CSAG1: variants seen among roughly 807,000 people sequenced by gnomAD.
The protein encoded by CSAG1 is chondrosarcoma associated gene 1.
CSAG1 carries 4 observed loss-of-function variants against 4.8 expected under a neutral mutation model. The ratio of observed to expected loss-of-function variants is 0.83; its 90% confidence interval spans 0.41 to 1.90. The LOEUF is 1.90. Ranked by LOEUF, CSAG1 falls within the 40% of genes most tolerant of loss-of-function variation. The probability of loss-of-function intolerance (pLI) is 0.03; values close to 1 mark genes in which losing one functional copy is unlikely to be tolerated. For missense variants in CSAG1, 69 were observed against 59.5 expected, an observed-to-expected ratio of 1.16 and a Z score of -0.53; for synonymous variants, 21 against 23.1, an observed-to-expected ratio of 0.91 and a Z score of 0.26.
rs1556830717 is a variant in CSAG1, at chrX:152,728,059, T to C, written c.167+15A>G. On this transcript the variant is annotated intron_variant, in intron 3 of 3. Transcript: ENST00000452779. Reference sequence around the variant, plus strand: ...TTCTGGGCCAGGGATGAGAGGATGCTTTCCCCTTCCTCGCCTCTTTGGTGT... The same window carrying C: ...TTCTGGGCCAGGGATGAGAGGATGCCTTCCCCTTCCTCGCCTCTTTGGTGT... 1.5e-5 allele frequency: 18 copies of C among 1,209,062 alleles called. No individual in the cohort carries two copies. The highest frequency in any genetic ancestry group is 1.8e-5 in the African/African-American group (1 of 56,840).
At chrX:152,728,801 G>T (rs1932083381) in intron 2 of CSAG1, among the ~76,000 whole-genome samples, 1 of 110,149 alleles carries the variant, frequency 9.1e-6, no homozygotes. Context: ...CTGTGCATGT[G>T]CAGAGAGCGC....
chrX:152,731,922 A>G (rs1490772533), intron 2 of CSAG1, among the ~76,000 whole-genome samples: 1 of 112,593 alleles, frequency 8.9e-6, no homozygotes, highest in Non-Finnish European at 1.9e-5. Flanking sequence ...TAAATGTCAA[A>G]TGTTCGAAGA....
At position 152,730,306 on chromosome X, in the gene CSAG1, T is replaced by C. The variant is rs1368786946; in HGVS notation, c.17-2082A>G. On this transcript the variant is annotated intron_variant, in intron 2 of 3. Coordinates refer to ENST00000452779, the MANE Select transcript of CSAG1 (RefSeq NM_001102576.3). ...AGGGGATTTATCAGGGCAGTGAAACTAGTATGGTAATACTGTAATGGTGGT... is the reference window on the plus strand; with the variant it reads ...AGGGGATTTATCAGGGCAGTGAAACCAGTATGGTAATACTGTAATGGTGGT... Among the ~76,000 whole-genome samples, 3 of 111,896 alleles carry C rather than the reference T, an allele frequency of 2.7e-5. No homozygotes were observed. In the East Asian group the frequency reaches 8.5e-4, roughly 32 times the overall value.
At position 152,732,455 on chromosome X, in the gene CSAG1, C is replaced by G. The variant is rs782038876; in HGVS notation, c.6G>C (p.Ser2=). The G allele has an allele frequency of 1.7e-6, 2 of 1,206,466 alleles. No homozygotes were observed. Among genetic ancestry groups the G allele is most frequent in the Non-Finnish European group, 1.1e-6 (1 of 893,795 alleles). M[S]ATTACWPAFT... ...AATTTAGTGCCTTACCTGTAGTCGCCGACATTACAAGCAAATTTGGGCTGC... is the reference window on the plus strand; with the variant it reads ...AATTTAGTGCCTTACCTGTAGTCGCGGACATTACAAGCAAATTTGGGCTGC... The change falls in exon 2 of 4, where the codon TCG becomes TCC. Residue 2 remains serine, a synonymous_variant. Transcript: ENST00000452779.
chrX:152,732,343 T>C, intron 2 of CSAG1, 102 bp downstream of exon 2: 3 of 1,032,890 alleles, frequency 2.9e-6, no homozygotes, highest in Non-Finnish European at 3.8e-6. Flanking sequence ...CAGGAAAAAA[T>C]AGCTTGACAT....
At chrX:152,733,305 G>A (rs1423453539) in intron 1 of CSAG1, 2 of 112,454 alleles carry the variant, frequency 1.8e-5, no homozygotes, top group African/African-American at 6.5e-5. Flanking sequence ...ACAGCCAGGA[G>A]TGAGGAAGAG....
intron 2 of CSAG1, among the ~76,000 whole-genome samples, chrX:152,729,599 T>C (rs1932110581): frequency 8.9e-6 from 1 of 111,982 alleles, no homozygotes; most frequent in Non-Finnish European, 1.9e-5. Flanking sequence ...ATAAGCATAA[T>C]AAATGTACTA....
At chrX:152,731,368 G>T (rs1397904904) in intron 2 of CSAG1, among the ~76,000 whole-genome samples, 1 of 112,177 alleles carries the variant, frequency 8.9e-6, no homozygotes, top group African/African-American at 3.2e-5. Context: ...AAAAGAAAAA[G>T]AAAACTTTAA....
At chrX:152,728,378 T>G (rs1386457642) in intron 2 of CSAG1, 154 bp from the exon 3 acceptor site, 5 of 556,255 alleles carry the variant, frequency 9.0e-6, no homozygotes, top group Non-Finnish European at 1.5e-5. Context: ...TTGTAAATGT[T>G]GATCACATCT....
intron 2 of CSAG1, among the ~76,000 whole-genome samples, chrX:152,730,854 G>C (rs1425743385): frequency 8.9e-6 from 1 of 112,407 alleles, no homozygotes; most frequent in African/African-American, 3.2e-5. Flanking sequence ...CTGTATTATA[G>C]ATGTATGAAA....
In CSAG1 at chrX:152,727,764, T is replaced by C. The variant is rs1932047155; in HGVS notation, c.*30A>G. The stretch of plus-strand genomic sequence containing the variant: ...GGCTGGATAGTGTTGGCCCACTCCA[T>C]TCCTCAGGTTTTTTTGAAGCGGTGG... On this transcript the variant is annotated 3_prime_UTR_variant, in exon 4 of 4. Coordinates refer to ENST00000452779, the MANE Select transcript of CSAG1 (RefSeq NM_001102576.3). 6.7e-6 allele frequency: 8 copies of C among 1,201,359 alleles called. No homozygotes were observed. Among genetic ancestry groups the C allele is most frequent in the African/African-American group, 1.8e-5 (1 of 56,959 alleles).
chrX:152,728,320 G>T (rs2124963394), intron 2 of CSAG1, 96 bp from the exon 3 acceptor site: 2 of 846,089 alleles, frequency 2.4e-6, no homozygotes, highest in Non-Finnish European at 3.5e-6. Flanking sequence ...ATTGGATGAG[G>T]CCTATCCACA....
chrX:152,729,554 C>G (rs782010334), intron 2 of CSAG1, among the ~76,000 whole-genome samples: 1 of 112,093 alleles, frequency 8.9e-6, no homozygotes, highest in Admixed American at 9.4e-5. Context: ...AAGATCTGAA[C>G]ACACACTACA....
At chrX:152,728,766 A>T (rs1213108151) in intron 2 of CSAG1, among the ~76,000 whole-genome samples, 1 of 111,267 alleles carries the variant, frequency 9.0e-6, no homozygotes, top group African/African-American at 3.3e-5. Flanking sequence ...GCCCTTTCTC[A>T]ATATGTCCAT....
chrX:152,727,497 T>A lies in CSAG1; in HGVS notation c.*297A>T, dbSNP rs1602865019. On this transcript the variant is annotated 3_prime_UTR_variant, in exon 4 of 4. Coordinates refer to ENST00000452779, the MANE Select transcript of CSAG1 (RefSeq NM_001102576.3). ...CAGACACACACATCATTTTACAACA[T>A]GTTCATTTTATTTCCATCACCATGG... The A allele has an allele frequency of 2.7e-6, 1 of 366,041 alleles. No individual in the cohort carries two copies. 30.2% of individuals were successfully genotyped at this position (366,041 alleles called of 1,213,427 possible). A position where few individuals can be genotyped will look rare whatever the true frequency, so the allele number is the denominator to read the frequency against.
intron 2 of CSAG1, among the ~76,000 whole-genome samples, chrX:152,728,965 A>C (rs1360661917): frequency 1.8e-5 from 2 of 111,321 alleles, no homozygotes; most frequent in African/African-American, 6.5e-5. Flanking sequence ...CACCAAATAC[A>C]GACACCCTGG....
At position 152,727,766 on chromosome X, in the gene CSAG1, C is replaced by A. The variant is rs1461125519; in HGVS notation, c.*28G>T. Reference sequence around the variant, plus strand: ...CTGGATAGTGTTGGCCCACTCCATTCCTCAGGTTTTTTTGAAGCGGTGGTC... The same window carrying A: ...CTGGATAGTGTTGGCCCACTCCATTACTCAGGTTTTTTTGAAGCGGTGGTC... On this transcript the variant is annotated 3_prime_UTR_variant, in exon 4 of 4. Transcript: ENST00000452779. 13 of 1,205,020 alleles carry A rather than the reference C, an allele frequency of 1.1e-5. No individual in the cohort carries two copies. The highest frequency in any genetic ancestry group is 1.7e-5 in the African/African-American group (1 of 57,616).
At chrX:152,731,386 A>G (rs1422398035) in intron 2 of CSAG1, among the ~76,000 whole-genome samples, 2 of 112,636 alleles carry the variant, frequency 1.8e-5, no homozygotes. Context: ...TAATTAAACT[A>G]TACAAACTGA....
intron 2 of CSAG1, among the ~76,000 whole-genome samples, chrX:152,729,124 T>C (rs1932095886): frequency 9.0e-6 from 1 of 110,661 alleles, no homozygotes; most frequent in Non-Finnish European, 1.9e-5. Flanking sequence ...ATGGTGAAAG[T>C]ACAGGTTTTC....
Sources: allele counts gnomAD v4.1 joint callset (sites outside exome capture counted in the v4.1 genomes callset), GRCh38; gene constraint gnomAD v4.1.1; transcripts MANE v1.5; gene names NCBI Gene and HGNC (gene_info 2026-07-23, HGNC 2026-07-21).